The following MXRA5 variants were observed in gnomAD, a reference collection of about 807,000 sequenced individuals.
MXRA5 encodes matrix-remodeling-associated protein 5.
A neutral mutation model predicts 112.5 loss-of-function variants in MXRA5; 41 were observed. The observed-to-expected ratio is 0.36, with a 90% CI of 0.28 to 0.47. The LOEUF is 0.47. Among genes scored for constraint, MXRA5 ranks in the 20% least tolerant of loss-of-function variants. The probability of loss-of-function intolerance (pLI) is 0.99; values close to 1 mark genes in which losing one functional copy is unlikely to be tolerated. For missense variants in MXRA5, 2,150 were observed against 2,251.0 expected, an observed-to-expected ratio of 0.96 and a Z score of 0.91; for synonymous variants, 862 against 900.8, an observed-to-expected ratio of 0.96 and a Z score of 0.77.
At position 3,322,216 on chromosome X, in the gene MXRA5, ATCTCCTTCTCCCGTTGGG is replaced by A. The variant is rs1921328400; in HGVS notation, c.3451_3468del (p.Pro1151_Arg1156del). The A allele has an allele frequency of 8.4e-7, 1 of 1,188,914 alleles. No individual in the cohort carries two copies. Among genetic ancestry groups the A allele is most frequent in the South Asian group, 1.9e-5 (1 of 52,781 alleles). ...CGGTGGCGGAATTTGTTGGGGCGTA[ATCTCCTTCTCCCGTTGGG>A]TCTCCTTCGAGAAGGGTGAGTGCTC... is the stretch of plus-strand genomic sequence containing the variant. On this transcript the variant is annotated inframe_deletion, in exon 5 of 7. Transcript: ENST00000217939.
In MXRA5 at chrX:3,321,562, G is replaced by A; in HGVS notation, c.4123C>T (p.Pro1375Ser). Residue 1375 changes from proline (P) to serine (S), a missense_variant, in exon 5 of 7, where the codon CCA becomes TCA. This residue lies in a region of MXRA5 where 1,485 missense variants were observed against 1,471.6 expected (regional missense o/e 1.01). Transcript: ENST00000217939. The part of the protein sequence containing the change: ...FKEESSPVGF[P>S]GTPTWNPSRT... ...GAGGGATTCCAGGTTGGAGTTCCTG[G>A]AAAGCCTACAGGAGAGGATTCTTCC... 8.3e-7 allele frequency: 1 copy of A among 1,209,522 alleles called. No individual in the cohort carries two copies. Among genetic ancestry groups the A allele is most frequent in the Non-Finnish European group, 1.1e-6 (1 of 894,197 alleles).
At position 3,310,127 on chromosome X, in the gene MXRA5, G is replaced by T. The variant is rs376516887; in HGVS notation, c.8076C>A (p.Asp2692Glu). 1.7e-5 allele frequency: 20 copies of T among 1,209,788 alleles called. No individual in the cohort carries two copies. The highest frequency in any genetic ancestry group is 2.3e-4 in the Middle Eastern group (1 of 4,375). ...PQTLGRVSLLDNGTLTVREAS... is the reference protein window; with the variant it reads ...PQTLGRVSLLENGTLTVREAS... Reference sequence around the variant, plus strand: ...CCTCACGAACCGTGAGGGTGCCATTGTCCAGAAGAGAAACGCGTCCCAGGG... The same window carrying T: ...CCTCACGAACCGTGAGGGTGCCATTTTCCAGAAGAGAAACGCGTCCCAGGG... Residue 2692 changes from aspartate (D) to glutamate (E), a missense_variant, in exon 7 of 7, where the codon GAC becomes GAA. Transcript: ENST00000217939.
intron 4 of MXRA5, 58 bp from the exon 5 acceptor site, chrX:3,325,033 C>A: frequency 9.1e-7 from 1 of 1,098,159 alleles, no homozygotes; most frequent in Non-Finnish European, 1.2e-6. Flanking sequence ...GCATGCCTTG[C>A]ACATGGCCAG....
intron 2 of MXRA5, among the ~76,000 whole-genome samples, chrX:3,332,435 G>A (rs1457964766): frequency 4.6e-5 from 5 of 109,795 alleles, no homozygotes; most frequent in Admixed American, 1.9e-4. Context: ...TAGTAGAGAT[G>A]GGGTTTCATC....
chrX:3,343,146 A>G (rs771153744), intron 2 of MXRA5, among the ~76,000 whole-genome samples: 1 of 112,730 alleles, frequency 8.9e-6, no homozygotes. Flanking sequence ...GGTTTTTAAA[A>G]AGACGTTGAT....
intron 2 of MXRA5, among the ~76,000 whole-genome samples, chrX:3,337,176 C>T (rs1921801885): frequency 8.9e-6 from 1 of 111,963 alleles, no homozygotes; most frequent in South Asian, 3.7e-4. Context: ...GACGTTTGGG[C>T]ATGGCCTCAT....
Position 3,324,067 on chromosome X carries a change from G to T in MXRA5, c.1618C>A (p.Leu540Met), listed in dbSNP as rs747472066. Residue 540 changes from leucine (L) to methionine (M), a missense_variant, in exon 5 of 7, where the codon CTG (leucine) becomes ATG (methionine). By Grantham distance (15) the Leu-to-Met change is conservative. Coordinates refer to ENST00000217939, the MANE Select transcript of MXRA5 (RefSeq NM_015419.4). Reference sequence around the variant, plus strand: ...GATGGCTCCATGGACTTGATCCTCAGCCAGCCACTGCTGAGAATGGAGAAC... The same window carrying T: ...GATGGCTCCATGGACTTGATCCTCATCCAGCCACTGCTGAGAATGGAGAAC... ...SKFSILSSGW[L>M]RIKSMEPSDS... The T allele has an allele frequency of 4.9e-5, 59 of 1,203,091 alleles. 1 individual carries two copies. The South Asian group carries it at 1.0e-3, about 21-fold the overall frequency.
At chrX:3,340,095 A>G (rs1237809288) in intron 2 of MXRA5, among the ~76,000 whole-genome samples, 2 of 106,178 alleles carry the variant, frequency 1.9e-5, no homozygotes, top group Non-Finnish European at 3.8e-5. Flanking sequence ...CTCTAGGTGG[A>G]TGCTATGTTG....
Position 3,309,859 on chromosome X carries a change from G to A in MXRA5, c.8344C>T (p.Arg2782Cys), listed in dbSNP as rs768295476. The A allele has an allele frequency of 1.3e-5, 16 of 1,209,556 alleles. No homozygotes were observed. The highest frequency in any genetic ancestry group is 8.8e-5 in the South Asian group (5 of 56,722). The change falls in exon 7 of 7, where the codon CGT (arginine) becomes TGT (cysteine). Residue 2782 changes from arginine (R) to cysteine (C), a missense_variant. Around this residue, in one of 6 missense-constraint regions of MXRA5, gnomAD observed 178 missense variants for 198.2 expected, o/e 0.90. Transcript: ENST00000217939. ...KSHLKAGVQA[R>C]LYGNRFLHPQ... ...TGAAGAAATCTGTTTCCATACAGAC[G>A]AGCCTGAACCCCTGCCTTCAGATGC...
Position 3,320,718 on chromosome X carries a change from A to G in MXRA5, c.4967T>C (p.Leu1656Ser). 1 of 1,211,577 alleles carries G rather than the reference A, an allele frequency of 8.3e-7. No individual in the cohort carries two copies. Among genetic ancestry groups the G allele is most frequent in the Non-Finnish European group, 1.1e-6 (1 of 895,142 alleles). Residue 1656 changes from leucine (L) to serine (S), a missense_variant, in exon 5 of 7, where the codon TTG (leucine) becomes TCG (serine). By Grantham distance (145) the Leu-to-Ser change is moderately radical. Transcript: ENST00000217939. ...PEITTYPSGA[L>S]PENKQFTTPR... ...AGTTGTAAACTGTTTGTTCTCTGGC[A>G]AAGCCCCAGAAGGATATGTAGTTAT...
Position 3,317,099 on chromosome X carries a change from C to T in MXRA5, c.6578+4G>A, listed in dbSNP as rs1306814431. ...TTTACAGGAAGCCACGCAGAGCTGCCTACCTGAAGAGCGCGTCGATCATCC... is the reference window on the plus strand; with the variant it reads ...TTTACAGGAAGCCACGCAGAGCTGCTTACCTGAAGAGCGCGTCGATCATCC... On this transcript the variant is annotated splice_donor_region_variant and intron_variant, in intron 6 of 6. Coordinates refer to ENST00000217939, the MANE Select transcript of MXRA5 (RefSeq NM_015419.4). The T allele has an allele frequency of 8.7e-7, 1 of 1,146,635 alleles. No homozygotes were observed. Among genetic ancestry groups the T allele is most frequent in the African/African-American group, 1.8e-5 (1 of 56,353 alleles). The allele number at this position is 1,146,635 out of a possible 1,213,427, so 94.5% of individuals were successfully genotyped here.
At chrX:3,326,498 ACTATAT>A (rs1166319068) in intron 4 of MXRA5, among the ~76,000 whole-genome samples, 2 of 104,374 alleles carry the variant, frequency 1.9e-5, no homozygotes, top group Non-Finnish European at 3.9e-5. Context: ...TATCTAGGTA[ACTATAT>A]CTATATTTAT....
At chrX:3,344,315 G>A (rs1388556235) in intron 1 of MXRA5, among the ~76,000 whole-genome samples, 1 of 112,010 alleles carries the variant, frequency 8.9e-6, no homozygotes, top group African/African-American at 3.2e-5. Context: ...GTGTTTATTC[G>A]TATTCTTTCC....
chrX:3,324,714 T>C lies in MXRA5; in HGVS notation c.971A>G (p.Asp324Gly). Residue 324 changes from aspartate (D) to glycine (G), a missense_variant, in exon 5 of 7, where the codon GAC (aspartate) becomes GGC (glycine). This residue lies in a region of MXRA5 where 386 missense variants were observed against 411.0 expected (regional missense o/e 0.94). Coordinates refer to ENST00000217939, the MANE Select transcript of MXRA5 (RefSeq NM_015419.4). ...PQWSISLNMT[D>G]EHGNMVNLVC... ...CAAGTTCACCATGTTCCCGTGCTCGTCGGTCATATTCAAAGAGATGCTCCA... is the reference window on the plus strand; with the variant it reads ...CAAGTTCACCATGTTCCCGTGCTCGCCGGTCATATTCAAAGAGATGCTCCA... 1 of 1,210,136 alleles carries C rather than the reference T, an allele frequency of 8.3e-7. No individual in the cohort carries two copies. The highest frequency in any genetic ancestry group is 2.2e-5 in the Admixed American group (1 of 45,885).
chrX:3,316,072 A>AGT (rs1285139254), intron 6 of MXRA5, among the ~76,000 whole-genome samples: 1 of 68,728 alleles, frequency 1.5e-5, no homozygotes, highest in African/African-American at 6.5e-5. Flanking sequence ...AAAAGCACAC[A>AGT]CTGGGGCCGG....
intron 4 of MXRA5, among the ~76,000 whole-genome samples, chrX:3,328,634 A>G (rs1921568654): frequency 9.0e-6 from 1 of 110,561 alleles, no homozygotes; most frequent in African/African-American, 3.3e-5. Context: ...AGAGGAAAGG[A>G]GCTTGATCCA....
intron 5 of MXRA5, among the ~76,000 whole-genome samples, chrX:3,319,038 G>A (rs150035330): frequency 9.0e-6 from 1 of 111,307 alleles, no homozygotes; most frequent in African/African-American, 3.3e-5. Flanking sequence ...GCAGATAGTG[G>A]AATGGTGGTT....
intron 2 of MXRA5, among the ~76,000 whole-genome samples, chrX:3,332,539 C>T (rs772749160): frequency 1.8e-5 from 2 of 112,382 alleles, no homozygotes; most frequent in Non-Finnish European, 3.8e-5. Flanking sequence ...CCACCGCGCC[C>T]GGCCACATTC....
Position 3,315,391 on chromosome X carries a change from T to TGAAATAGGTAGAAGGATGGATAGATGATG in MXRA5, c.6578+1711_6578+1712insCATCATCTATCCATCCTTCTACCTATTTC, listed in dbSNP as rs1555943435. Among the ~76,000 whole-genome samples, 179 of 56,679 alleles carry TGAAATAGGTAGAAGGATGGATAGATGATG rather than the reference T, an allele frequency of 3.2e-3. 18 individuals carry two copies. Among genetic ancestry groups the TGAAATAGGTAGAAGGATGGATAGATGATG allele is most frequent in the African/African-American group, 0.013 (161 of 12,204 alleles). 49.2% of individuals were successfully genotyped at this position (56,679 alleles called of 115,157 possible). On this transcript the variant is annotated intron_variant, in intron 6 of 6. Coordinates refer to ENST00000217939, the MANE Select transcript of MXRA5 (RefSeq NM_015419.4). The stretch of plus-strand genomic sequence containing the variant: ...TAGATAGAATAGATAGATAGATAGA[T>TGAAATAGGTAGAAGGATGGATAGATGATG]GATAGATAGATAGATAGATAGATAG...
Sources: allele counts gnomAD v4.1 joint callset (sites outside exome capture counted in the v4.1 genomes callset), GRCh38; gene constraint gnomAD v4.1.1; regional missense constraint gnomAD v4.1.1; transcripts MANE v1.5; gene names NCBI Gene and HGNC (gene_info 2026-07-23, HGNC 2026-07-21).